PACS1: variants seen among roughly 807,000 people sequenced by gnomAD.
PACS1 encodes the protein phosphofurin acidic cluster sorting protein 1.
Under a neutral mutation model 115.0 loss-of-function variants are expected in PACS1, and 24 were observed. The ratio of observed to expected loss-of-function variants is 0.21; its 90% CI spans 0.15 to 0.29. The LOEUF (loss-of-function observed/expected upper bound fraction) is 0.29, where lower values mean the gene tolerates loss of function less well. Ranked by LOEUF, PACS1 falls within the 10% of genes least tolerant of loss-of-function variation. PACS1 has a pLI of 1.00. For synonymous variants in PACS1, 453 were observed against 504.5 expected (o/e 0.90, Z 1.37); for missense variants, 838 against 1,251.2 (o/e 0.67, Z 4.98).
intron 1 of PACS1, among the ~76,000 whole-genome samples, chr11:66,187,702 C>T (rs1854415884): frequency 6.6e-6 from 1 of 152,144 alleles, no homozygotes; most frequent in Non-Finnish European, 1.5e-5. Context: ...TTTATCTGTT[C>T]CTCTGTTGTC....
At chr11:66,216,356 A>T in intron 5 of PACS1, 93 bp downstream of exon 5, 1 of 1,487,044 alleles carries the variant, frequency 6.7e-7, no homozygotes, top group East Asian at 2.3e-5. Context: ...CCTGGGCAAG[A>T]GACCTTTAGA....
chr11:66,213,089 G>A (rs1381271513), intron 4 of PACS1, among the ~76,000 whole-genome samples: 2 of 152,020 alleles, frequency 1.3e-5, no homozygotes, highest in Admixed American at 1.3e-4. Context: ...CTGGCCTCAA[G>A]TGATCCGCTG....
At chr11:66,195,497 C>T (rs1034859131) in intron 2 of PACS1, among the ~76,000 whole-genome samples, 2 of 152,206 alleles carry the variant, frequency 1.3e-5, no homozygotes, top group African/African-American at 4.8e-5. Context: ...GTGCCGACAC[C>T]ATTGGGGTGG....
At chr11:66,138,239 C>G (rs1858894154) in intron 1 of PACS1, among the ~76,000 whole-genome samples, 1 of 151,846 alleles carries the variant, frequency 6.6e-6, no homozygotes, top group Admixed American at 6.6e-5. Flanking sequence ...CTGTAGACTT[C>G]TGCCACCATG....
At chr11:66,092,344 C>T (rs1228235564) in intron 1 of PACS1, among the ~76,000 whole-genome samples, 1 of 151,998 alleles carries the variant, frequency 6.6e-6, no homozygotes, top group Non-Finnish European at 1.5e-5. Flanking sequence ...CTGTTCATGT[C>T]CTTCGCCCAC....
At chr11:66,145,163 C>G (rs1440379519) in intron 1 of PACS1, among the ~76,000 whole-genome samples, 1 of 152,074 alleles carries the variant, frequency 6.6e-6, no homozygotes, top group Non-Finnish European at 1.5e-5. Flanking sequence ...GGAATAAATG[C>G]AAGAAAGAAA....
intron 1 of PACS1, among the ~76,000 whole-genome samples, chr11:66,102,020 T>C (rs1325180529): frequency 1.3e-5 from 2 of 152,312 alleles, no homozygotes; most frequent in East Asian, 3.9e-4. Flanking sequence ...AAGGAATCTT[T>C]TGCTAAATAT....
In PACS1 at chr11:66,070,444, A is replaced by G. The variant is rs936695023; in HGVS notation, c.-43A>G. ...GCCGCGGGGGAAGCCTGGGAGCCAG[A>G]TCGGCGTCGCCTCGGCCTCCGTAAC... On this transcript the variant is annotated 5_prime_UTR_variant, in exon 1 of 24. Transcript: ENST00000320580. The surrounding 1 kb of genome is among the most constrained non-coding windows in gnomAD (Gnocchi z 5.9). 1.0e-5 allele frequency: 12 copies of G among 1,146,836 alleles called. No homozygotes were observed. In the African/African-American group the frequency reaches 1.8e-4, roughly 17 times the overall value. The allele number at this position is 1,146,836 out of a possible 1,614,324, so 71.0% of individuals were successfully genotyped here.
At chr11:66,222,427 C>T (rs1263552700) in intron 10 of PACS1, among the ~76,000 whole-genome samples, 2 of 152,150 alleles carry the variant, frequency 1.3e-5, no homozygotes, top group Admixed American at 1.3e-4. Flanking sequence ...TGCTCCGCCC[C>T]TCCTAGAAAG....
rs1855849702 is a variant in PACS1, at chr11:66,243,152, C to T, written c.2777-13C>T. ...GAGCAGTCTGGTCACCCCTCCTCTC[C>T]TGTCACCCCTAGTGTCCATCGATGG... is the stretch of plus-strand genomic sequence containing the variant. On this transcript the variant is annotated splice_polypyrimidine_tract_variant and intron_variant, in intron 23 of 23. Transcript: ENST00000320580. 3 of 1,612,816 alleles carry T rather than the reference C, an allele frequency of 1.9e-6. No individual in the cohort carries two copies. The highest frequency in any genetic ancestry group is 1.1e-5 in the South Asian group (1 of 91,002).
chr11:66,133,976 T>A (rs772768130), intron 1 of PACS1, among the ~76,000 whole-genome samples: 3 of 152,200 alleles, frequency 2.0e-5, no homozygotes, highest in Non-Finnish European at 2.9e-5. Flanking sequence ...CTTCTTCAGA[T>A]GCCTGTGATA....
intron 2 of PACS1, among the ~76,000 whole-genome samples, chr11:66,194,699 G>GT (rs1462742446): frequency 6.6e-6 from 1 of 152,136 alleles, no homozygotes; most frequent in Non-Finnish European, 1.5e-5. Context: ...TAAGGATGGT[G>GT]TATTTACTGA....
intron 3 of PACS1, 28 bp from the exon 4 acceptor site, chr11:66,211,106 A>G: frequency 6.2e-7 from 1 of 1,611,608 alleles, no homozygotes; most frequent in Non-Finnish European, 8.5e-7. Flanking sequence ...CCCATTAACC[A>G]CGCTCGACTC....
chr11:66,123,874 C>T (rs1858507951), intron 1 of PACS1, among the ~76,000 whole-genome samples: 1 of 151,846 alleles, frequency 6.6e-6, no homozygotes, highest in Non-Finnish European at 1.5e-5. Flanking sequence ...TGCTATTGCA[C>T]AGTTGATAGA....
chr11:66,078,087 G>T (rs77931569), intron 1 of PACS1, among the ~76,000 whole-genome samples: 4 of 152,102 alleles, frequency 2.6e-5, no homozygotes, highest in Admixed American at 1.3e-4. Flanking sequence ...CTCAAATATC[G>T]TTCTTCCTCT....
chr11:66,171,452 TCTTAA>T (rs1478008071), intron 1 of PACS1, among the ~76,000 whole-genome samples: 5 of 150,414 alleles, frequency 3.3e-5, no homozygotes, highest in Admixed American at 2.6e-4. Flanking sequence ...TTTTCTGCCA[TCTTAA>T]CTTATGCTTT....
rs893228492 is a variant in PACS1, at chr11:66,244,079, C to G, written c.*799C>G. On this transcript the variant is annotated 3_prime_UTR_variant, in exon 24 of 24. Transcript: ENST00000320580. ...TGTACCATGTGACACACCCTGTGCA[C>G]TGGTCGCTGTCTTCGTGGCTTCCAC... is the stretch of plus-strand genomic sequence containing the variant. 6.6e-6 allele frequency: 1 copy of G among 152,466 alleles called. No homozygotes were observed. The highest frequency in any genetic ancestry group is 2.4e-5 in the African/African-American group (1 of 41,452). The allele number at this position is 152,466 out of a possible 1,614,324, so 9.4% of individuals were successfully genotyped here.
intron 1 of PACS1, among the ~76,000 whole-genome samples, chr11:66,128,453 G>T (rs1366913786): frequency 6.6e-6 from 1 of 152,240 alleles, no homozygotes; most frequent in African/African-American, 2.4e-5. Flanking sequence ...AGGCAAGGGA[G>T]TAGGTGGGAG....
intron 1 of PACS1, among the ~76,000 whole-genome samples, chr11:66,181,126 T>C (rs1860000104): frequency 1.3e-5 from 2 of 152,108 alleles, no homozygotes; most frequent in Non-Finnish European, 2.9e-5. Context: ...TGTAGCTGTA[T>C]ATATTTATGG....
Sources: allele counts gnomAD v4.1 joint callset (sites outside exome capture counted in the v4.1 genomes callset), GRCh38; gene constraint gnomAD v4.1.1; non-coding constraint Gnocchi (gnomAD v3.1); transcripts MANE v1.5; gene names NCBI Gene and HGNC (gene_info 2026-07-23, HGNC 2026-07-21).